Variants in PRMT8 observed in about 807,000 individuals in gnomAD.
The protein encoded by PRMT8 is protein arginine methyltransferase 8, also known as protein arginine N-methyltransferase 8.
A neutral mutation model predicts 47.1 loss-of-function variants in PRMT8; 7 were observed. That is an observed-to-expected ratio of 0.15 (90% CI 0.08 to 0.28). The LOEUF is 0.28. PRMT8 is among the 10% of genes least tolerant of loss of function. The probability of loss-of-function intolerance (pLI) is 1.00; values close to 1 mark genes in which losing one functional copy is unlikely to be tolerated. For synonymous variants in PRMT8, 188 were observed against 186.5 expected (o/e 1.01, Z -0.07); for missense variants, 237 against 505.4 (o/e 0.47, Z 5.09).
intron 1 of PRMT8, among the ~76,000 whole-genome samples, chr12:3,478,292 CTATCTATCTATCTAT>C (rs1252199596): frequency 2.0e-4 from 29 of 147,094 alleles, no homozygotes; most frequent in Admixed American, 4.8e-4. Context: ...ATCTATCTAT[CTATCTATCTATCTAT>C]CTACCTACCT....
At chr12:3,466,028 A>G (rs942093957) in intron 1 of PRMT8, among the ~76,000 whole-genome samples, 1 of 152,194 alleles carries the variant, frequency 6.6e-6, no homozygotes, top group Non-Finnish European at 1.5e-5. Context: ...AAGGGCACTG[A>G]CGCAGAAAAC....
chr12:3,478,978 G>A (rs867882613), intron 1 of PRMT8, among the ~76,000 whole-genome samples: 1 of 152,212 alleles, frequency 6.6e-6, no homozygotes, highest in Non-Finnish European at 1.5e-5. Context: ...AAGCACCTGG[G>A]TAAGCTTCCT....
chr12:3,573,484 A>G (rs1432687607), intron 6 of PRMT8, among the ~76,000 whole-genome samples: 2 of 152,160 alleles, frequency 1.3e-5, no homozygotes, highest in African/African-American at 4.8e-5. Flanking sequence ...ATTTGGTTCT[A>G]TGACTTTTTT....
rs184453726 is a variant in PRMT8, at chr12:3,580,869, C to T, written c.829-2189C>T. ...ACAATACAGGCAACCAAGGCTTGTCCGAAGAGTTTTTGAGCTGGAGGACAC... is the reference window on the plus strand; with the variant it reads ...ACAATACAGGCAACCAAGGCTTGTCTGAAGAGTTTTTGAGCTGGAGGACAC... On this transcript the variant is annotated intron_variant, in intron 7 of 9. Transcript: ENST00000382622. This position sits in a 1 kb window ranked among gnomAD's most constrained non-coding sequence, Gnocchi z 4.6. Among the ~76,000 whole-genome samples the T allele has an allele frequency of 8.3e-4, 126 of 152,206 alleles. 1 individual carries two copies. The highest frequency in any genetic ancestry group is 2.7e-3 in the African/African-American group (114 of 41,536).
intron 1 of PRMT8, among the ~76,000 whole-genome samples, chr12:3,459,716 G>GGGTT (rs1466381873): frequency 1.1e-4 from 16 of 152,278 alleles, no homozygotes; most frequent in African/African-American, 3.4e-4. Flanking sequence ...GAAGGGCAGG[G>GGGTT]GGTTGGTTGG....
intron 1 of PRMT8, among the ~76,000 whole-genome samples, chr12:3,477,374 C>T (rs1482519807): frequency 1.3e-5 from 2 of 152,198 alleles, no homozygotes; most frequent in African/African-American, 4.8e-5. Flanking sequence ...TTGGAGCTTA[C>T]AGTGAGAAAC....
chr12:3,513,615 A>T (rs1468064641), intron 1 of PRMT8, among the ~76,000 whole-genome samples: 1 of 152,106 alleles, frequency 6.6e-6, no homozygotes, highest in Admixed American at 6.5e-5. Context: ...GCTCCGTGAG[A>T]GTGCAGTCTT....
rs138625841 is a variant in PRMT8, at chr12:3,570,622, G to A, written c.712+1058G>A. ...ACAGTTCAACAAATTGTGGCTCTGT[G>A]GATTTAAACAATTGCCATCTAATCG... On this transcript the variant is annotated intron_variant, in intron 6 of 9. Transcript: ENST00000382622. The surrounding 1 kb of genome is among the most constrained non-coding windows in gnomAD (Gnocchi z 5.5). Among the ~76,000 whole-genome samples the A allele has an allele frequency of 2.6e-5, 4 of 152,316 alleles. No individual in the cohort carries two copies. The East Asian group carries it at 5.8e-4, about 22-fold the overall frequency.
intron 1 of PRMT8, among the ~76,000 whole-genome samples, chr12:3,462,140 G>T (rs891742838): frequency 9.2e-5 from 14 of 151,928 alleles, no homozygotes; most frequent in African/African-American, 2.7e-4. Context: ...GAGAACTTGC[G>T]GTATTTGGTT....
At chr12:3,559,737 G>C (rs1248853624) in intron 4 of PRMT8, among the ~76,000 whole-genome samples, 1 of 152,190 alleles carries the variant, frequency 6.6e-6, no homozygotes, top group Non-Finnish European at 1.5e-5. Flanking sequence ...GTCACCCCAT[G>C]CTGGGATCTG....
chr12:3,546,485 T>C (rs1866329824), intron 2 of PRMT8, among the ~76,000 whole-genome samples: 1 of 152,066 alleles, frequency 6.6e-6, no homozygotes, highest in Non-Finnish European at 1.5e-5. Flanking sequence ...ATAACATAAA[T>C]GGAGGCAAGG....
In PRMT8 at chr12:3,491,688, C is replaced by A; in HGVS notation, c.63C>A (p.Ala21=). 1 of 1,610,128 alleles carries A rather than the reference C, an allele frequency of 6.2e-7. No individual in the cohort carries two copies. The highest frequency in any genetic ancestry group is 8.5e-7 in the Non-Finnish European group (1 of 1,179,534). Residue 21 remains alanine, a synonymous_variant, in exon 1 of 10, where the codon GCC becomes GCA. Transcript: ENST00000382622. ...GGAGGAAAATGGCGGAGAACGCGGCCGAGAGCACCGAGGTAAGGAGGCGAG... is the reference window on the plus strand; with the variant it reads ...GGAGGAAAATGGCGGAGAACGCGGCAGAGAGCACCGAGGTAAGGAGGCGAG... The part of the protein sequence containing the change: ...LLRRKMAENA[A]ESTEVNSPPS...
At chr12:3,528,964 A>G (rs1208137723) in intron 1 of PRMT8, among the ~76,000 whole-genome samples, 8 of 152,102 alleles carry the variant, frequency 5.3e-5, no homozygotes, top group African/African-American at 1.9e-4. Context: ...AGCAAGAACT[A>G]TTTCTGGCTC....
chr12:3,520,771 A>G (rs963105722), intron 1 of PRMT8, among the ~76,000 whole-genome samples: 1 of 152,246 alleles, frequency 6.6e-6, no homozygotes, highest in Non-Finnish European at 1.5e-5. Flanking sequence ...TGAAGCTCCT[A>G]TAAGGCCACA....
At chr12:3,534,592 C>T (rs1347748753) in intron 1 of PRMT8, among the ~76,000 whole-genome samples, 2 of 152,204 alleles carry the variant, frequency 1.3e-5, no homozygotes, top group Non-Finnish European at 2.9e-5. Flanking sequence ...ACCCTGACAC[C>T]TATTGTCTGC....
intron 1 of PRMT8, among the ~76,000 whole-genome samples, chr12:3,412,883 G>A (rs1864446198): frequency 6.6e-6 from 1 of 152,174 alleles, no homozygotes; most frequent in Non-Finnish European, 1.5e-5. Flanking sequence ...AAAGTGCTGG[G>A]ATTACAGGTG....
chr12:3,430,379 T>G (rs1467774029), intron 1 of PRMT8, among the ~76,000 whole-genome samples: 1 of 152,214 alleles, frequency 6.6e-6, no homozygotes, highest in East Asian at 1.9e-4. Context: ...TACTTCTTCT[T>G]TCTTTGGAAG....
In PRMT8 at chr12:3,455,397, A is replaced by T. The variant is rs548604263; in HGVS notation, c.48+73955A>T. On this transcript the variant is annotated intron_variant, in intron 1 of 9. Coordinates refer to the PRMT8 transcript ENST00000452611. ...GTGTGGAAGGCAAGAGGGGAAGAGA[A>T]CCCACAGACAGGATGGAGGGAGGGG... Among the ~76,000 whole-genome samples, 15 of 152,200 alleles carry T rather than the reference A, an allele frequency of 9.9e-5. 1 individual carries two copies. The highest frequency in any genetic ancestry group is 3.6e-4 in the African/African-American group (15 of 41,518).
chr12:3,442,720 A>G (rs966648898), intron 1 of PRMT8, among the ~76,000 whole-genome samples: 1 of 152,102 alleles, frequency 6.6e-6, no homozygotes, highest in Non-Finnish European at 1.5e-5. Context: ...GTGCAATGGC[A>G]TGGTCTTGGC....
Sources: allele counts gnomAD v4.1 joint callset (sites outside exome capture counted in the v4.1 genomes callset), GRCh38; gene constraint gnomAD v4.1.1; non-coding constraint Gnocchi (gnomAD v3.1); transcripts MANE v1.5; gene names NCBI Gene and HGNC (gene_info 2026-07-23, HGNC 2026-07-21).